Variants in CREB5 observed in about 807,000 individuals in gnomAD.
CREB5 encodes cAMP responsive element binding protein 5, also known as cyclic AMP-responsive element-binding protein 5.
CREB5 carries 19 observed loss-of-function variants against 57.1 expected under a neutral mutation model. The ratio of observed to expected loss-of-function variants is 0.33; its 90% CI spans 0.23 to 0.49. The LOEUF (loss-of-function observed/expected upper bound fraction) is 0.49. Ranked by LOEUF, CREB5 falls within the 20% of genes least tolerant of loss-of-function variation. The pLI is 0.99. For missense variants in CREB5, 579 were observed against 671.6 expected, an observed-to-expected ratio of 0.86 and a Z score of 1.52; for synonymous variants, 238 against 238.3, an observed-to-expected ratio of 1.00 and a Z score of 0.01.
chr7:28,396,425 A>G (rs1787335906), intron 1 of CREB5, among the ~76,000 whole-genome samples: 1 of 152,352 alleles, frequency 6.6e-6, no homozygotes, highest in African/African-American at 2.4e-5. Flanking sequence ...AAAATATACA[A>G]CTAGCTGGTA....
At chr7:28,474,152 T>G (rs960307578) in intron 1 of CREB5, among the ~76,000 whole-genome samples, 2 of 152,160 alleles carry the variant, frequency 1.3e-5, no homozygotes, top group Non-Finnish European at 2.9e-5. Flanking sequence ...AGTTTTCTCT[T>G]AAGCTACTTT....
rs1266732578 is a variant in CREB5 at position 28,825,774 on chromosome 7, CTG to C, written c.*6497_*6498del. On this transcript the variant is annotated 3_prime_UTR_variant, in exon 11 of 11. Coordinates refer to ENST00000357727, the MANE Select transcript of CREB5 (RefSeq NM_182898.4). ...CCAATGGACAATGAGTTCATTAAGA[CTG>C]TTCAACTAGGTCAGATTTTTACATC... The C allele has an allele frequency of 3.9e-5, 6 of 152,626 alleles. No individual in the cohort carries two copies. Among genetic ancestry groups the C allele is most frequent in the South Asian group, 4.1e-4 (2 of 4,836 alleles). 9.5% of individuals were successfully genotyped at this position (152,626 alleles called of 1,614,324 possible). A position where few individuals can be genotyped will look rare whatever the true frequency, so the allele number is the denominator to read the frequency against.
intron 5 of CREB5, among the ~76,000 whole-genome samples, chr7:28,681,641 G>C (rs537415774): frequency 7.2e-5 from 11 of 152,306 alleles, no homozygotes; most frequent in African/African-American, 2.6e-4. Context: ...TGCTGAAGAA[G>C]ACAAGCATGA....
At chr7:28,341,302 ATC>A (rs1032999268) in intron 1 of CREB5, among the ~76,000 whole-genome samples, 4 of 152,154 alleles carry the variant, frequency 2.6e-5, no homozygotes, top group Non-Finnish European at 5.9e-5. Flanking sequence ...TTTTATATTT[ATC>A]TCTGTTTATT....
At chr7:28,399,526 A>G (rs116099202) in intron 1 of CREB5, among the ~76,000 whole-genome samples, 1,881 of 152,304 alleles carry the variant, frequency 0.012, 28 homozygotes, top group African/African-American at 0.042. Context: ...GACAAAAATA[A>G]ACAATGGAGA....
In CREB5 at chr7:28,377,856, C is replaced by T. The variant is rs556043506; in HGVS notation, c.-25+78415C>T. Among the ~76,000 whole-genome samples, 222 of 141,018 alleles carry T rather than the reference C, an allele frequency of 1.6e-3. 1 individual carries two copies. Among genetic ancestry groups the T allele is most frequent in the African/African-American group, 4.5e-3 (170 of 37,882 alleles). 92.5% of individuals were successfully genotyped at this position (141,018 alleles called of 152,430 possible). ...CTGAGGCAGGAGAAAGGCGTGAACC[C>T]GAGAGGCGGAGCTTGCAGTGAGCCA... On this transcript the variant is annotated intron_variant, in intron 1 of 9. Coordinates refer to the CREB5 transcript ENST00000396299.
rs185011786 is a variant in CREB5, at chr7:28,414,858, C to T, written c.3+1941C>T. 3.3e-5 allele frequency among the ~76,000 whole-genome samples: 5 copies of T among 151,970 alleles called. 1 individual carries two copies. Among genetic ancestry groups the T allele is most frequent in the South Asian group, 4.2e-4 (2 of 4,810 alleles). On this transcript the variant is annotated intron_variant, in intron 1 of 10. Transcript: ENST00000357727. ...TGATAGCACTCTTCCAGAAACCCCA[C>T]TAAAATTTTTGAAGCTCTTATTGAG...
chr7:28,386,419 T>C (rs1353562626), intron 1 of CREB5, among the ~76,000 whole-genome samples: 2 of 152,244 alleles, frequency 1.3e-5, no homozygotes, highest in East Asian at 1.9e-4. Context: ...ATCCTTATTT[T>C]ATAGATAATC....
chr7:28,589,253 A>C (rs891288452), intron 5 of CREB5, among the ~76,000 whole-genome samples: 1 of 152,138 alleles, frequency 6.6e-6, no homozygotes, highest in African/African-American at 2.4e-5. Context: ...CATATGTATC[A>C]TTAATAGAGT....
intron 5 of CREB5, among the ~76,000 whole-genome samples, chr7:28,667,489 C>T (rs1246849096): frequency 1.3e-5 from 2 of 151,650 alleles, no homozygotes; most frequent in Non-Finnish European, 2.9e-5. Context: ...ATACGCTTAG[C>T]CTGCTTATAT....
At chr7:28,533,395 G>A (rs1235782937) in intron 4 of CREB5, among the ~76,000 whole-genome samples, 1 of 152,122 alleles carries the variant, frequency 6.6e-6, no homozygotes, top group Non-Finnish European at 1.5e-5. Context: ...ACTTGTTCCG[G>A]GCCATAAGAC....
At chr7:28,371,824 G>C (rs1019602154) in intron 1 of CREB5, among the ~76,000 whole-genome samples, 3 of 70,224 alleles carry the variant, frequency 4.3e-5, no homozygotes, top group African/African-American at 2.0e-4. Context: ...AGGGCAGGCT[G>C]TCTTTGCCAC....
chr7:28,465,298 C>G (rs1790517953), intron 1 of CREB5, among the ~76,000 whole-genome samples: 1 of 152,172 alleles, frequency 6.6e-6, no homozygotes, highest in Admixed American at 6.5e-5. Flanking sequence ...GAGTGCAGTG[C>G]AGAGCAATTT....
At chr7:28,744,527 T>C (rs945131110) in intron 7 of CREB5, among the ~76,000 whole-genome samples, 3 of 151,942 alleles carry the variant, frequency 2.0e-5, no homozygotes, top group Non-Finnish European at 4.4e-5. Context: ...TTTGTATTTT[T>C]AGTAGAGACG....
At chr7:28,509,009 T>C (rs1156273219) in intron 4 of CREB5, among the ~76,000 whole-genome samples, 2 of 152,152 alleles carry the variant, frequency 1.3e-5, no homozygotes, top group Non-Finnish European at 2.9e-5. Context: ...ACCATAAAAA[T>C]AGCATGCAAG....
intron 5 of CREB5, among the ~76,000 whole-genome samples, chr7:28,685,776 G>A (rs926808948): frequency 6.6e-6 from 1 of 151,484 alleles, no homozygotes; most frequent in African/African-American, 2.4e-5. Flanking sequence ...GGCAGCTGTA[G>A]GGCCATCCCC....
intron 5 of CREB5, among the ~76,000 whole-genome samples, chr7:28,576,844 A>G (rs989444408): frequency 6.6e-6 from 1 of 152,346 alleles, no homozygotes; most frequent in South Asian, 2.1e-4. Context: ...TGAAGCTTCC[A>G]TGTAAGTGTC....
At chr7:28,381,591 A>G (rs1786968687) in intron 1 of CREB5, among the ~76,000 whole-genome samples, 1 of 152,212 alleles carries the variant, frequency 6.6e-6, no homozygotes, top group African/African-American at 2.4e-5. Flanking sequence ...TTACAGAATG[A>G]TTGGCAATAG....
chr7:28,745,960 C>T (rs1019263871), intron 7 of CREB5, among the ~76,000 whole-genome samples: 2 of 152,182 alleles, frequency 1.3e-5, no homozygotes, highest in African/African-American at 4.8e-5. Context: ...TCAAGCCCTC[C>T]TGGAGGAAGT....
Sources: allele counts gnomAD v4.1 joint callset (sites outside exome capture counted in the v4.1 genomes callset), GRCh38; gene constraint gnomAD v4.1.1; transcripts MANE v1.5; gene names NCBI Gene and HGNC (gene_info 2026-07-23, HGNC 2026-07-21).